The following HACE1 variants were observed in gnomAD, a reference collection of about 807,000 sequenced individuals.
HACE1 encodes E3 ubiquitin-protein ligase HACE1.
HACE1 carries 73 observed loss-of-function variants against 118.4 expected under a neutral mutation model. That is an observed-to-expected ratio of 0.62 (90% CI 0.51 to 0.75). The LOEUF is 0.75. HACE1 is among the 30% of genes least tolerant of loss of function. HACE1 has a pLI of 0.00. For missense variants in HACE1, 749 were observed against 1,102.2 expected (o/e 0.68, Z 4.54); for synonymous variants, 368 against 374.8 (o/e 0.98, Z 0.21).
intron 19 of HACE1, among the ~76,000 whole-genome samples, chr6:104,755,345 C>A (rs1174684569): frequency 6.6e-6 from 1 of 152,084 alleles, no homozygotes. Flanking sequence ...GCTTTAACAG[C>A]CCACTAACAA....
chr6:104,735,377 A>T (rs548814800), intron 22 of HACE1, among the ~76,000 whole-genome samples: 1 of 152,202 alleles, frequency 6.6e-6, no homozygotes, highest in Non-Finnish European at 1.5e-5. Context: ...GCCTACATGT[A>T]ATCCCAGCAT....
rs887194801 is a variant in HACE1, at chr6:104,728,732, C to T, written c.*930G>A. 1 of 152,042 alleles carries T rather than the reference C, an allele frequency of 6.6e-6. No individual in the cohort carries two copies. The highest frequency in any genetic ancestry group is 6.6e-5 in the Admixed American group (1 of 15,252). The allele number at this position is 152,042 out of a possible 1,614,324, so 9.4% of individuals were successfully genotyped here. ...GTCTTTTCAAAATAAAACTGATTAA[C>T]CACCCAAAAATTCAAAAACCCACCA... is the stretch of plus-strand genomic sequence containing the variant. On this transcript the variant is annotated 3_prime_UTR_variant, in exon 24 of 24. Coordinates refer to ENST00000262903, the MANE Select transcript of HACE1 (RefSeq NM_020771.4).
chr6:104,796,275 T>A (rs1348534823), intron 9 of HACE1, among the ~76,000 whole-genome samples: 1 of 151,990 alleles, frequency 6.6e-6, no homozygotes, highest in Non-Finnish European at 1.5e-5. Flanking sequence ...TACACTTAGC[T>A]AATTTTTGTA....
At position 104,728,931 on chromosome 6, in the gene HACE1, C is replaced by T. The variant is rs907751767; in HGVS notation, c.*731G>A. ...TAATGAAAAGAAACGTGGTAAAATACATTTTAATTTTACCTTCATTATAAA... is the reference window on the plus strand; with the variant it reads ...TAATGAAAAGAAACGTGGTAAAATATATTTTAATTTTACCTTCATTATAAA... On this transcript the variant is annotated 3_prime_UTR_variant, in exon 24 of 24. Transcript: ENST00000262903. The T allele has an allele frequency of 1.3e-5, 2 of 152,502 alleles. No homozygotes were observed. The highest frequency in any genetic ancestry group is 2.9e-5 in the Non-Finnish European group (2 of 67,986). 9.4% of individuals were successfully genotyped at this position (152,502 alleles called of 1,614,324 possible).
At chr6:104,742,179 TA>T (rs1776812372) in intron 22 of HACE1, among the ~76,000 whole-genome samples, 1 of 132,626 alleles carries the variant, frequency 7.5e-6, no homozygotes, top group Admixed American at 7.3e-5. Flanking sequence ...ATTAAAGACT[TA>T]AACGTTAGAC....
chr6:104,851,991 T>TAGTG (rs1194181782), intron 2 of HACE1, among the ~76,000 whole-genome samples: 1 of 152,222 alleles, frequency 6.6e-6, no homozygotes, highest in East Asian at 1.9e-4. Flanking sequence ...TAAAGATCAG[T>TAGTG]AGTGACCTCT....
At chr6:104,810,975 G>A (rs1251573239) in intron 7 of HACE1, among the ~76,000 whole-genome samples, 2 of 151,770 alleles carry the variant, frequency 1.3e-5, no homozygotes, top group African/African-American at 4.8e-5. Flanking sequence ...TTGTTAATAA[G>A]TACTTAGTCT....
intron 17 of HACE1, among the ~76,000 whole-genome samples, chr6:104,775,653 TCAGAG>T (rs1455891902): frequency 7.9e-5 from 12 of 152,156 alleles, no homozygotes; most frequent in African/African-American, 2.4e-4. Flanking sequence ...CAAATTCACC[TCAGAG>T]CAAAGAATTA....
chr6:104,793,229 T>C (rs1783247454), intron 10 of HACE1, among the ~76,000 whole-genome samples: 1 of 142,160 alleles, frequency 7.0e-6, no homozygotes, highest in Non-Finnish European at 1.5e-5. Context: ...ATCGCGCCAC[T>C]GCACTCCAGC....
chr6:104,733,722 G>A (rs1477714490), intron 22 of HACE1, among the ~76,000 whole-genome samples: 1 of 151,364 alleles, frequency 6.6e-6, no homozygotes, highest in African/African-American at 2.4e-5. Flanking sequence ...AGTGATGTGT[G>A]CACCTGTAAT....
chr6:104,732,620 T>C (rs374320111), intron 22 of HACE1, among the ~76,000 whole-genome samples: 1 of 152,152 alleles, frequency 6.6e-6, no homozygotes, highest in African/African-American at 2.4e-5. Context: ...ATGGTGGTGA[T>C]AGTCACACAT....
At chr6:104,774,436 G>A (rs1490487502) in intron 17 of HACE1, among the ~76,000 whole-genome samples, 1 of 148,594 alleles carries the variant, frequency 6.7e-6, no homozygotes, top group Non-Finnish European at 1.5e-5. Flanking sequence ...CCAGGCTGGA[G>A]TGCAGTGGCA....
intron 11 of HACE1, 106 bp downstream of exon 11, chr6:104,791,398 C>G: frequency 9.6e-7 from 1 of 1,038,838 alleles, no homozygotes; most frequent in Non-Finnish European, 1.5e-6. Context: ...TGGGTATAAA[C>G]CAAACTTACA....
In HACE1 at chr6:104,784,437, A is replaced by G. The variant is rs1251661368; in HGVS notation, c.1458T>C (p.Val486=). The G allele has an allele frequency of 6.2e-7, 1 of 1,612,200 alleles. No individual in the cohort carries two copies. ...CTTACCTATTAACAAAGCATTTTAA[A>G]ACTTCATCATGTTTGCAGACAAATT... ...FIEFVCKHDE[V]LKCFVNRNPK... The change falls in exon 13 of 24, where the codon GTT becomes GTC. Residue 486 remains valine (V), a synonymous_variant. Transcript: ENST00000262903.
At chr6:104,748,161 A>G (rs1331810261) in intron 20 of HACE1, among the ~76,000 whole-genome samples, 1 of 152,138 alleles carries the variant, frequency 6.6e-6, no homozygotes, top group African/African-American at 2.4e-5. Context: ...CACTGAAAAG[A>G]CCTGAGTAGA....
At chr6:104,753,660 G>A (rs944455615) in intron 19 of HACE1, among the ~76,000 whole-genome samples, 1 of 152,130 alleles carries the variant, frequency 6.6e-6, no homozygotes, top group African/African-American at 2.4e-5. Context: ...CCTATATACA[G>A]TAAAGTGGCC....
intron 6 of HACE1, among the ~76,000 whole-genome samples, chr6:104,825,083 A>T (rs1773179404): frequency 6.8e-6 from 1 of 146,988 alleles, no homozygotes; most frequent in Admixed American, 6.8e-5. Flanking sequence ...CTCCGTCTCA[A>T]AAAAAAAAAA....
intron 22 of HACE1, among the ~76,000 whole-genome samples, chr6:104,737,815 T>C (rs1291211560): frequency 4.6e-5 from 7 of 152,180 alleles, no homozygotes; most frequent in Admixed American, 2.6e-4. Flanking sequence ...CCGAACTGGG[T>C]GGAGCCCACC....
intron 5 of HACE1, among the ~76,000 whole-genome samples, chr6:104,840,794 T>C (rs1775037805): frequency 1.3e-5 from 2 of 152,230 alleles, no homozygotes; most frequent in African/African-American, 2.4e-5. Flanking sequence ...AGAAACCCCG[T>C]CTCTACTAAA....
Sources: gnomAD v4.1 joint callset for allele counts (sites outside exome capture counted in the v4.1 genomes callset) on GRCh38, gnomAD v4.1.1 for gene constraint, MANE v1.5 for transcripts, NCBI Gene and HGNC (gene_info 2026-07-23, HGNC 2026-07-21) for gene names.